The following FAM81A variants were observed in gnomAD, a reference collection of about 807,000 sequenced individuals.
FAM81A encodes the protein family with sequence similarity 81 member A.
Under a neutral mutation model 46.7 loss-of-function variants are expected in FAM81A, and 19 were observed. The ratio of observed to expected loss-of-function variants is 0.41; its 90% confidence interval spans 0.28 to 0.60. The LOEUF (loss-of-function observed/expected upper bound fraction) is 0.60. Ranked by LOEUF, FAM81A falls within the 20% of genes least tolerant of loss-of-function variation. The probability of loss-of-function intolerance (pLI) is 0.34; values close to 1 mark genes in which losing one functional copy is unlikely to be tolerated. For missense variants in FAM81A, 377 were observed against 453.5 expected, an observed-to-expected ratio of 0.83 and a Z score of 1.53; for synonymous variants, 183 against 152.9, an observed-to-expected ratio of 1.20 and a Z score of -1.45.
At chr15:59,420,457 G>A (rs2141551201) in intron 2 of FAM81A, among the ~76,000 whole-genome samples, 1 of 152,288 alleles carries the variant, frequency 6.6e-6, no homozygotes, top group South Asian at 2.1e-4. Context: ...TATTTTTGGA[G>A]GCTCTTTCAA....
rs1408458728 is a variant in FAM81A at position 59,521,881 on chromosome 15, T to G, written c.*503T>G. ...ATCGTTGTCTATGCACTTCTTATAT[T>G]GGTTATCTTCTTGTAAATCTTCTGT... On this transcript the variant is annotated 3_prime_UTR_variant, in exon 9 of 9. Transcript: ENST00000288228. 6.6e-6 allele frequency: 1 copy of G among 152,304 alleles called. No homozygotes were observed. The highest frequency in any genetic ancestry group is 1.5e-5 in the Non-Finnish European group (1 of 68,082). The allele number at this position is 152,304 out of a possible 1,614,324, so 9.4% of individuals were successfully genotyped here. A position where few individuals can be genotyped will look rare whatever the true frequency, so the allele number is the denominator to read the frequency against.
chr15:59,463,542 C>T (rs1398328510), intron 3 of FAM81A, among the ~76,000 whole-genome samples: 1 of 151,994 alleles, frequency 6.6e-6, no homozygotes, highest in African/African-American at 2.4e-5. Flanking sequence ...GATTGCTTTG[C>T]ATGTATAGAT....
intron 4 of FAM81A, among the ~76,000 whole-genome samples, chr15:59,494,482 T>C (rs1016515548): frequency 1.1e-4 from 16 of 152,332 alleles, no homozygotes; most frequent in Admixed American, 3.3e-4. Flanking sequence ...TAATACAAAG[T>C]AGAAAAATTA....
At chr15:59,416,252 TG>T (rs1425791743) in intron 2 of FAM81A, among the ~76,000 whole-genome samples, 1 of 152,190 alleles carries the variant, frequency 6.6e-6, no homozygotes, top group Non-Finnish European at 1.5e-5. Flanking sequence ...ATTCCTGTGG[TG>T]GTCACCGCTG....
chr15:59,469,368 G>A (rs1276107285), intron 3 of FAM81A, among the ~76,000 whole-genome samples: 1 of 152,044 alleles, frequency 6.6e-6, no homozygotes, highest in Non-Finnish European at 1.5e-5. Context: ...GGTCTCTAAG[G>A]ACTTGCTTTA....
chr15:59,494,662 G>C (rs566334311), intron 4 of FAM81A, among the ~76,000 whole-genome samples: 8 of 152,216 alleles, frequency 5.3e-5, no homozygotes, highest in Admixed American at 1.3e-4. Flanking sequence ...ATGCTGATGA[G>C]ACTTGATTGT....
At chr15:59,407,291 C>CTTTTTTTTTTTTT (rs3053043) in intron 2 of FAM81A, 1 of 120,220 alleles carries the variant, frequency 8.3e-6, no homozygotes, top group Admixed American at 1.0e-4. Context: ...CTTTTCTTTC[C>CTTTTTTTTTTTTT]TTTTTTTTTT....
intron 1 of FAM81A, among the ~76,000 whole-genome samples, chr15:59,442,348 C>G (rs1024952112): frequency 6.6e-6 from 1 of 152,104 alleles, no homozygotes; most frequent in Non-Finnish European, 1.5e-5. Flanking sequence ...TACAGTGGCT[C>G]ATGCTTGTAA....
rs1314618903 is a variant in FAM81A at position 59,514,362 on chromosome 15, C to A, written c.724C>A (p.Arg242=). 1.2e-6 allele frequency: 2 copies of A among 1,613,296 alleles called. No homozygotes were observed. The highest frequency in any genetic ancestry group is 3.3e-5 in the Admixed American group (2 of 59,956). ...ARSWLQQEQE[R]IEKELLQKID... ...GAGTTGGTTGCAACAGGAACAAGAA[C>A]GGATAGAAAAAGAGCTTTTACAGAA... Residue 242 remains arginine (R), a synonymous_variant, in exon 7 of 9, where the codon CGG becomes AGG. Coordinates refer to ENST00000288228, the MANE Select transcript of FAM81A (RefSeq NM_152450.3).
intron 2 of FAM81A, among the ~76,000 whole-genome samples, chr15:59,423,535 G>C (rs1324008428): frequency 6.6e-6 from 1 of 152,150 alleles, no homozygotes; most frequent in Non-Finnish European, 1.5e-5. Context: ...TCCAAGACTT[G>C]ACCTCTAAAT....
intron 1 of FAM81A, among the ~76,000 whole-genome samples, chr15:59,442,008 C>T (rs918153464): frequency 6.6e-6 from 1 of 152,208 alleles, no homozygotes; most frequent in Middle Eastern, 3.2e-3. Flanking sequence ...CTGATTACTC[C>T]CGTTATGTAG....
intron 1 of FAM81A, among the ~76,000 whole-genome samples, chr15:59,449,928 CTT>C (rs1212441960): frequency 6.9e-6 from 1 of 143,960 alleles, no homozygotes; most frequent in South Asian, 2.2e-4. Flanking sequence ...TCTTTCTTTC[CTT>C]TTTTTTTGTG....
rs570569821 is a variant in FAM81A, at chr15:59,449,577, C to A, written c.-77-8973C>A. On this transcript the variant is annotated intron_variant, in intron 1 of 8. Transcript: ENST00000288228. ...CGGGCGGATCACGAGGTCAGGAGAT[C>A]GAGACCATCCTGGCTAACACAGTGA... is the stretch of plus-strand genomic sequence containing the variant. 1.1e-4 allele frequency among the ~76,000 whole-genome samples: 16 copies of A among 152,010 alleles called. No homozygotes were observed. In the East Asian group the frequency reaches 1.4e-3, roughly 13 times the overall value.
chr15:59,477,504 A>T (rs1176721597), intron 3 of FAM81A, among the ~76,000 whole-genome samples: 1 of 152,186 alleles, frequency 6.6e-6, no homozygotes, highest in Admixed American at 6.5e-5. Flanking sequence ...TATCTTGGCA[A>T]ATTTGCCTAG....
chr15:59,420,173 C>T (rs1337779515), intron 2 of FAM81A, among the ~76,000 whole-genome samples: 1 of 152,168 alleles, frequency 6.6e-6, no homozygotes, highest in Admixed American at 6.5e-5. Flanking sequence ...TAGGAAATTA[C>T]AATTCAAGAA....
intron 1 of FAM81A, among the ~76,000 whole-genome samples, chr15:59,447,770 A>T (rs1470956967): frequency 6.6e-6 from 1 of 152,136 alleles, no homozygotes; most frequent in African/African-American, 2.4e-5. Context: ...GCAGGGGGAA[A>T]GTTGGTAGGA....
chr15:59,519,355 A>AT (rs1194750500), intron 8 of FAM81A, among the ~76,000 whole-genome samples: 2 of 151,458 alleles, frequency 1.3e-5, no homozygotes, highest in Non-Finnish European at 2.9e-5. Flanking sequence ...GGCCCAGCTA[A>AT]TTTTTGTATT....
chr15:59,438,031 G>A (rs2081255222), upstream of FAM81A: 1 of 150,634 alleles, frequency 6.6e-6, no homozygotes, highest in Admixed American at 6.6e-5. Context: ...AGCTCGGGCT[G>A]CCACGGCAAC....
chr15:59,507,063 G>A (rs920337109), intron 4 of FAM81A, 150 bp from the exon 5 acceptor site: 14 of 1,019,758 alleles, frequency 1.4e-5, no homozygotes, highest in Non-Finnish European at 1.9e-5. Flanking sequence ...AATGAGGCCA[G>A]CTCTTGGAAT....
Sources: gnomAD v4.1 joint callset for allele counts (sites outside exome capture counted in the v4.1 genomes callset) on GRCh38, gnomAD v4.1.1 for gene constraint, MANE v1.5 for transcripts, NCBI Gene and HGNC (gene_info 2026-07-23, HGNC 2026-07-21) for gene names.